CACHD1: variants seen among roughly 807,000 people sequenced by gnomAD.
CACHD1 encodes the protein VWFA and cache domain-containing protein 1.
A neutral mutation model predicts 138.7 loss-of-function variants in CACHD1; 71 were observed. That is an observed-to-expected ratio of 0.51 (90% CI 0.42 to 0.62). The LOEUF (loss-of-function observed/expected upper bound fraction) is 0.62, where lower values mean the gene tolerates loss of function less well. CACHD1 is among the 20% of genes least tolerant of loss of function. CACHD1 has a pLI of 0.00. For synonymous variants in CACHD1, 578 were observed against 591.5 expected, an observed-to-expected ratio of 0.98 and a Z score of 0.33; for missense variants, 1,389 against 1,625.3, an observed-to-expected ratio of 0.85 and a Z score of 2.50.
rs1649624803 is a variant in CACHD1, at chr1:64,666,127, G to C, written c.2347G>C (p.Gly783Arg). Residue 783 changes from glycine to arginine, a missense_variant, in exon 16 of 27, where the codon GGT becomes CGT. By Grantham distance (125) the Gly-to-Arg change is moderately radical. This residue lies in a region of CACHD1 where 1,000 missense variants were observed against 1,114.7 expected (regional missense o/e 0.90). Coordinates refer to ENST00000651257, the MANE Select transcript of CACHD1 (RefSeq NM_020925.4). The part of the protein sequence containing the change: ...TGPYLDVGGA[G>R]YVVTISHTIH... The stretch of plus-strand genomic sequence containing the variant: ...TCCTTACTTAGATGTTGGAGGAGCT[G>C]GTTATGTTGTGACAATCAGTCACAC... 1.2e-6 allele frequency: 2 copies of C among 1,612,502 alleles called. No homozygotes were observed. Among genetic ancestry groups the C allele is most frequent in the Non-Finnish European group, 1.7e-6 (2 of 1,178,862 alleles).
chr1:64,691,485 C>T lies in CACHD1; in HGVS notation c.3749C>T (p.Ser1250Leu), dbSNP rs545200888. The T allele has an allele frequency of 4.8e-5, 77 of 1,614,100 alleles. No individual in the cohort carries two copies. The East Asian group carries it at 1.6e-3, about 34-fold the overall frequency. Reference protein sequence around the residue: ...LLSHKFHHYRSHHPTLHHSHH... With the variant: ...LLSHKFHHYRLHHPTLHHSHH... ...AGTCACAAGTTCCACCACTACCGGT[C>T]ACACCACCCTACACTTCATCATAGC... The change falls in exon 27 of 27, where the codon TCA (serine) becomes TTA (leucine). Residue 1250 changes from serine (S) to leucine (L), a missense_variant. Ser to Leu is a moderately radical substitution (Grantham distance 145). This residue lies in a region of CACHD1 where 78 missense variants were observed against 76.9 expected (regional missense o/e 1.01). Coordinates refer to ENST00000651257, the MANE Select transcript of CACHD1 (RefSeq NM_020925.4).
At chr1:64,680,931 C>T (rs1350819386) in intron 24 of CACHD1, among the ~76,000 whole-genome samples, 2 of 152,220 alleles carry the variant, frequency 1.3e-5, no homozygotes, top group African/African-American at 4.8e-5. Flanking sequence ...ATTTCACCAA[C>T]ACAGTCAGTC....
At chr1:64,498,992 T>A (rs758255759) in intron 1 of CACHD1, among the ~76,000 whole-genome samples, 1 of 152,228 alleles carries the variant, frequency 6.6e-6, no homozygotes. Context: ...ATAGAACTGA[T>A]TTCCCAGTTA....
chr1:64,676,285 G>A (rs531093184), intron 21 of CACHD1, among the ~76,000 whole-genome samples: 2 of 152,200 alleles, frequency 1.3e-5, no homozygotes, highest in South Asian at 2.1e-4. Context: ...TGTTGAGTAC[G>A]TTATGCACAT....
At chr1:64,479,867 T>C (rs1646198691) in intron 1 of CACHD1, among the ~76,000 whole-genome samples, 1 of 152,186 alleles carries the variant, frequency 6.6e-6, no homozygotes, top group African/African-American at 2.4e-5. Context: ...CCAAGTTCCT[T>C]GTATTTGGAG....
chr1:64,477,822 G>A (rs1414374846), intron 1 of CACHD1, among the ~76,000 whole-genome samples: 1 of 149,826 alleles, frequency 6.7e-6, no homozygotes, highest in African/African-American at 2.4e-5. Context: ...TTTTAGTAGA[G>A]ACGGGGTTTC....
intron 1 of CACHD1, among the ~76,000 whole-genome samples, chr1:64,525,472 T>C (rs1646531242): frequency 1.3e-5 from 2 of 152,188 alleles, no homozygotes; most frequent in South Asian, 2.1e-4. Context: ...TTTGACATGC[T>C]GGTTCTCAAG....
intron 2 of CACHD1, 131 bp from the exon 3 acceptor site, chr1:64,582,025 G>T (rs1281109908): frequency 2.0e-6 from 2 of 984,356 alleles, no homozygotes; most frequent in Non-Finnish European, 3.0e-6. Flanking sequence ...TATGACTTGG[G>T]TGTGTGTTGT....
At chr1:64,598,893 G>C (rs1316894168) in intron 3 of CACHD1, among the ~76,000 whole-genome samples, 1 of 148,960 alleles carries the variant, frequency 6.7e-6, no homozygotes, top group Non-Finnish European at 1.5e-5. Flanking sequence ...ATATTAGGAG[G>C]AATATGATTA....
intron 12 of CACHD1, among the ~76,000 whole-genome samples, chr1:64,658,093 A>G (rs1649324507): frequency 6.6e-6 from 1 of 152,236 alleles, no homozygotes; most frequent in Non-Finnish European, 1.5e-5. Context: ...ATGGTCTGCA[A>G]TGACAAATCA....
At chr1:64,668,949 A>C (rs974434801) in intron 16 of CACHD1, among the ~76,000 whole-genome samples, 2 of 152,084 alleles carry the variant, frequency 1.3e-5, no homozygotes, top group African/African-American at 4.8e-5. Flanking sequence ...CCCTCCTAAC[A>C]CATGGTTCTA....
chr1:64,675,764 C>A, intron 20 of CACHD1, 133 bp from the exon 21 acceptor site: 2 of 705,810 alleles, frequency 2.8e-6, no homozygotes, highest in Admixed American at 3.3e-5. Context: ...ATGTATTTAA[C>A]CTTTGGCTGT....
intron 9 of CACHD1, among the ~76,000 whole-genome samples, chr1:64,651,096 T>C (rs1046157779): frequency 3.9e-5 from 6 of 152,132 alleles, no homozygotes; most frequent in African/African-American, 1.4e-4. Flanking sequence ...CCTATTGTTG[T>C]TGTTGTTTTT....
At chr1:64,638,066 A>T (rs1162955309) in intron 7 of CACHD1, among the ~76,000 whole-genome samples, 3 of 152,166 alleles carry the variant, frequency 2.0e-5, no homozygotes, top group Admixed American at 2.0e-4. Context: ...TATGATATTC[A>T]GTTTCCTATA....
intron 12 of CACHD1, 91 bp downstream of exon 12, chr1:64,654,894 G>A (rs1649215770): frequency 1.1e-6 from 1 of 901,304 alleles, no homozygotes; most frequent in Admixed American, 1.9e-5. Flanking sequence ...GTGGCACTTG[G>A]GTCTGATAAT....
chr1:64,513,757 C>G (rs562479093), intron 1 of CACHD1, among the ~76,000 whole-genome samples: 1 of 152,072 alleles, frequency 6.6e-6, no homozygotes, highest in African/African-American at 2.4e-5. Flanking sequence ...GTAGGAGCCA[C>G]CTAAAAGAAA....
intron 1 of CACHD1, among the ~76,000 whole-genome samples, chr1:64,528,497 C>A (rs1462232148): frequency 3.9e-5 from 6 of 151,996 alleles, no homozygotes; most frequent in African/African-American, 1.2e-4. Context: ...CATGGGCCAT[C>A]CTAAATAACA....
chr1:64,671,678 C>T lies in CACHD1; in HGVS notation c.2502C>T (p.Asn834=). Residue 834 remains asparagine, a synonymous_variant, in exon 17 of 27, where the codon AAC becomes AAT. Coordinates refer to ENST00000651257, the MANE Select transcript of CACHD1 (RefSeq NM_020925.4). ...LLPVCNQDGG[N]KIRCFIMEDR... ...CTGTCTGTAACCAAGATGGTGGCAA[C>T]AAAATAAGGTAAGTGCTTTGGGGAT... The T allele has an allele frequency of 6.2e-7, 1 of 1,613,946 alleles. No individual in the cohort carries two copies. The highest frequency in any genetic ancestry group is 1.1e-5 in the South Asian group (1 of 91,066).
intron 1 of CACHD1, among the ~76,000 whole-genome samples, chr1:64,543,612 A>G (rs1220818997): frequency 6.6e-6 from 1 of 151,452 alleles, no homozygotes; most frequent in Non-Finnish European, 1.5e-5. Context: ...ATCTATAGCA[A>G]CAGATTTTTG....
Sources: gnomAD v4.1 joint callset for allele counts (sites outside exome capture counted in the v4.1 genomes callset) on GRCh38, gnomAD v4.1.1 for gene constraint, gnomAD v4.1.1 regional missense constraint, MANE v1.5 for transcripts, NCBI Gene and HGNC (gene_info 2026-07-23, HGNC 2026-07-21) for gene names.